SLC2A13: variants seen among roughly 807,000 people sequenced by gnomAD.
The protein encoded by SLC2A13 is solute carrier family 2 member 13.
Under a neutral mutation model 64.4 loss-of-function variants are expected in SLC2A13, and 32 were observed. The ratio of observed to expected loss-of-function variants is 0.50; its 90% CI spans 0.37 to 0.67. The LOEUF (loss-of-function observed/expected upper bound fraction) is 0.67, where lower values mean the gene tolerates loss of function less well. Among genes scored for constraint, SLC2A13 ranks in the 30% least tolerant of loss-of-function variants. SLC2A13 has a pLI of 0.00. For missense variants in SLC2A13, 743 were observed against 829.2 expected, an observed-to-expected ratio of 0.90 and a Z score of 1.28; for synonymous variants, 338 against 327.1, an observed-to-expected ratio of 1.03 and a Z score of -0.36.
intron 6 of SLC2A13, among the ~76,000 whole-genome samples, chr12:39,832,713 T>C (rs560683970): frequency 0.014 from 1,040 of 76,510 alleles, 5 homozygotes; most frequent in Admixed American, 0.041. Flanking sequence ...ACCCCTCTAC[T>C]TGCTATTATC....
chr12:40,085,745 T>C (rs1938569155), intron 1 of SLC2A13, among the ~76,000 whole-genome samples: 1 of 152,186 alleles, frequency 6.6e-6, no homozygotes, highest in Admixed American at 6.5e-5. Flanking sequence ...TACATATAAC[T>C]TGTACTTTAC....
At chr12:40,006,922 T>A (rs1337986297) in intron 3 of SLC2A13, among the ~76,000 whole-genome samples, 1 of 152,210 alleles carries the variant, frequency 6.6e-6, no homozygotes, top group Non-Finnish European at 1.5e-5. Flanking sequence ...GAAATTCCCA[T>A]TTGAGTATTT....
chr12:39,905,605 T>C (rs1479333365), intron 4 of SLC2A13, among the ~76,000 whole-genome samples: 3 of 152,130 alleles, frequency 2.0e-5, no homozygotes, highest in Admixed American at 6.6e-5. Context: ...ATTTTCCTCA[T>C]TATTAGTCTT....
intron 2 of SLC2A13, 78 bp from the exon 3 acceptor site, chr12:40,028,587 G>T: frequency 7.2e-7 from 1 of 1,389,366 alleles, no homozygotes; most frequent in Non-Finnish European, 1.0e-6. Flanking sequence ...TTTGTGTTGT[G>T]TTGACAACAA....
intron 4 of SLC2A13, among the ~76,000 whole-genome samples, chr12:39,914,678 A>G (rs1945492949): frequency 6.6e-6 from 1 of 151,936 alleles, no homozygotes. Flanking sequence ...ATATATACAT[A>G]CTCATGATAT....
chr12:39,865,102 G>C (rs940693468), intron 5 of SLC2A13, among the ~76,000 whole-genome samples: 5 of 152,202 alleles, frequency 3.3e-5, no homozygotes, highest in Admixed American at 2.6e-4. Context: ...CATGATGAGA[G>C]TGAAATTCAA....
intron 7 of SLC2A13, among the ~76,000 whole-genome samples, chr12:39,794,466 CGCAATTTGATG>C (rs1941510429): frequency 6.6e-6 from 1 of 152,108 alleles, no homozygotes; most frequent in Non-Finnish European, 1.5e-5. Context: ...TTAACTATAA[CGCAATTTGATG>C]TATAAAATAG....
chr12:40,027,150 A>G (rs1947825491), intron 3 of SLC2A13, among the ~76,000 whole-genome samples: 1 of 152,182 alleles, frequency 6.6e-6, no homozygotes, highest in African/African-American at 2.4e-5. Context: ...GCATAAAATA[A>G]GTTGTCATTT....
At chr12:39,947,822 A>G (rs1592309376) in intron 4 of SLC2A13, among the ~76,000 whole-genome samples, 2 of 151,790 alleles carry the variant, frequency 1.3e-5, no homozygotes, top group African/African-American at 2.4e-5. Context: ...CACTATGCCC[A>G]GCTAATTTTG....
chr12:40,096,035 T>C (rs1372725213), intron 1 of SLC2A13, among the ~76,000 whole-genome samples: 2 of 151,820 alleles, frequency 1.3e-5, no homozygotes, highest in South Asian at 2.1e-4. Context: ...CCCAAGTTCA[T>C]GCCATTCTCC....
At chr12:39,843,635 A>C (rs1943231526) in intron 6 of SLC2A13, among the ~76,000 whole-genome samples, 1 of 152,076 alleles carries the variant, frequency 6.6e-6, no homozygotes, top group African/African-American at 2.4e-5. Flanking sequence ...TGTAGGCCAA[A>C]GCATTTATTG....
intron 1 of SLC2A13, among the ~76,000 whole-genome samples, chr12:40,068,763 A>T (rs1157132275): frequency 6.6e-6 from 1 of 150,838 alleles, no homozygotes; most frequent in African/African-American, 2.5e-5. Context: ...AACATACTCT[A>T]CAAAAAAAAA....
intron 9 of SLC2A13, among the ~76,000 whole-genome samples, chr12:39,761,688 G>A (rs977860322): frequency 2.6e-5 from 4 of 151,936 alleles, no homozygotes; most frequent in African/African-American, 4.8e-5. Context: ...ATGCAAGACT[G>A]TGGAGGTAGG....
In SLC2A13 at chr12:40,097,587, G is replaced by C. The variant is rs1938994167; in HGVS notation, c.556+7666C>G. On this transcript the variant is annotated intron_variant, in intron 1 of 9. Coordinates refer to ENST00000280871, the MANE Select transcript of SLC2A13 (RefSeq NM_052885.4). Reference sequence around the variant, plus strand: ...AAAATGCAATAAACAATTTTCCAAAGAAGATATACAAATGTACAAGTGGCC... The same window carrying C: ...AAAATGCAATAAACAATTTTCCAAACAAGATATACAAATGTACAAGTGGCC... 2.0e-5 allele frequency among the ~76,000 whole-genome samples: 3 copies of C among 152,070 alleles called. 1 individual carries two copies. The South Asian group carries it at 6.2e-4, about 31-fold the overall frequency.
intron 4 of SLC2A13, among the ~76,000 whole-genome samples, chr12:39,875,157 G>A (rs534268887): frequency 5.6e-4 from 86 of 152,268 alleles, no homozygotes; most frequent in African/African-American, 2.0e-3. Context: ...TGTAGGTCAC[G>A]AATCTGACAA....
At chr12:39,947,785 C>T (rs1011924425) in intron 4 of SLC2A13, among the ~76,000 whole-genome samples, 7 of 151,408 alleles carry the variant, frequency 4.6e-5, no homozygotes, top group East Asian at 1.9e-4. Context: ...CTCAGCCTCC[C>T]GAGTAGCTGG....
rs1215895801 is a variant in SLC2A13 at position 39,895,778 on chromosome 12, GTGTATA to G, written c.1035-23823_1035-23818del. ...TGTATACGTACACACATGTATATGC[GTGTATA>G]CGTACACACATGTATATGCGTGTAT... On this transcript the variant is annotated intron_variant, in intron 4 of 9. Coordinates refer to ENST00000280871, the MANE Select transcript of SLC2A13 (RefSeq NM_052885.4). Among the ~76,000 whole-genome samples the G allele has an allele frequency of 1.7e-3, 139 of 84,178 alleles. 54 individuals carry two copies. Among genetic ancestry groups the G allele is most frequent in the Non-Finnish European group, 2.3e-3 (94 of 41,106 alleles). 55.2% of individuals were successfully genotyped at this position (84,178 alleles called of 152,430 possible).
intron 1 of SLC2A13, among the ~76,000 whole-genome samples, chr12:40,094,063 G>C (rs1442294255): frequency 6.6e-6 from 1 of 152,186 alleles, no homozygotes; most frequent in Non-Finnish European, 1.5e-5. Context: ...GATTGTAGTG[G>C]AAGTGATAAG....
chr12:40,028,611 G>A (rs1333239477), intron 2 of SLC2A13, 102 bp from the exon 3 acceptor site: 1 of 1,075,308 alleles, frequency 9.3e-7, no homozygotes, highest in African/African-American at 1.6e-5. Context: ...TACTTACTGT[G>A]AAGTTAGCCA....
Sources: allele counts gnomAD v4.1 joint callset (sites outside exome capture counted in the v4.1 genomes callset), GRCh38; gene constraint gnomAD v4.1.1; transcripts MANE v1.5; gene names NCBI Gene and HGNC (gene_info 2026-07-23, HGNC 2026-07-21).